TAFA2: variants seen among roughly 807,000 people sequenced by gnomAD.
TAFA2 encodes chemokine-like protein TAFA-2.
In TAFA2, 7 loss-of-function variants were observed where a neutral mutation model predicts 18.8. The ratio of observed to expected loss-of-function variants is 0.37; its 90% CI spans 0.21 to 0.70. TAFA2 has a LOEUF of 0.70. Among genes scored for constraint, TAFA2 ranks in the 30% least tolerant of loss-of-function variants. The pLI, the probability that TAFA2 is intolerant of heterozygous loss-of-function variation, is 0.53. For missense variants in TAFA2, 122 were observed against 158.1 expected, an observed-to-expected ratio of 0.77 and a Z score of 1.23; for synonymous variants, 60 against 54.2, an observed-to-expected ratio of 1.11 and a Z score of -0.47.
At chr12:61,949,481 C>G (rs1878391666) in intron 1 of TAFA2, among the ~76,000 whole-genome samples, 1 of 152,014 alleles carries the variant, frequency 6.6e-6, no homozygotes, top group African/African-American at 2.4e-5. Flanking sequence ...TAACAGACAG[C>G]CAGTCAATGG....
chr12:61,899,049 C>A (rs186098342), intron 1 of TAFA2, among the ~76,000 whole-genome samples: 157 of 152,304 alleles, frequency 1.0e-3, no homozygotes, highest in Middle Eastern at 0.01. Flanking sequence ...GCAAGAGTCA[C>A]CTTTACTCCA....
At chr12:61,890,080 T>G (rs1264643451) in intron 1 of TAFA2, among the ~76,000 whole-genome samples, 7 of 152,248 alleles carry the variant, frequency 4.6e-5, no homozygotes, top group Non-Finnish European at 2.9e-5. Flanking sequence ...TTTATCCTAT[T>G]TCTTACTGTA....
chr12:61,965,628 T>A (rs547629575), intron 1 of TAFA2, among the ~76,000 whole-genome samples: 15 of 151,972 alleles, frequency 9.9e-5, no homozygotes, highest in African/African-American at 3.6e-4. Context: ...AACACTAGAC[T>A]CTGGGAGGGG....
chr12:62,027,273 C>T (rs1472630969), intron 1 of TAFA2, among the ~76,000 whole-genome samples: 1 of 151,976 alleles, frequency 6.6e-6, no homozygotes, highest in African/African-American at 2.4e-5. Flanking sequence ...AGCATACAGC[C>T]CTTTAGCATA....
At chr12:62,050,617 C>T (rs1257991117) in intron 1 of TAFA2, among the ~76,000 whole-genome samples, 1 of 152,046 alleles carries the variant, frequency 6.6e-6, no homozygotes, top group East Asian at 1.9e-4. Flanking sequence ...TCCATATTCC[C>T]TTGTATAACA....
chr12:61,839,606 G>A (rs1873086092), intron 2 of TAFA2, among the ~76,000 whole-genome samples: 1 of 152,030 alleles, frequency 6.6e-6, no homozygotes, highest in Non-Finnish European at 1.5e-5. Context: ...AGGAACAGGA[G>A]TGCATCTAGA....
chr12:61,897,915 C>T (rs1299860820), intron 1 of TAFA2, among the ~76,000 whole-genome samples: 5 of 152,204 alleles, frequency 3.3e-5, no homozygotes, highest in African/African-American at 9.6e-5. Context: ...CTCGTAGAAG[C>T]CTGTAAAATC....
chr12:61,793,162 A>T (rs371586595), intron 2 of TAFA2, among the ~76,000 whole-genome samples: 1 of 151,628 alleles, frequency 6.6e-6, no homozygotes, highest in East Asian at 1.9e-4. Context: ...AAGAATAAAG[A>T]TCTCAAAACA....
intron 1 of TAFA2, among the ~76,000 whole-genome samples, chr12:62,033,816 C>T (rs1417935312): frequency 1.3e-5 from 2 of 152,092 alleles, no homozygotes; most frequent in East Asian, 3.9e-4. Flanking sequence ...CTATAAAAAT[C>T]TATTTGAACC....
rs188750184 is a variant in TAFA2, at chr12:62,180,131, G to A, written c.-2+11128C>T. ...GGTAAAATTCACCAATGTGCAGTAA[G>A]CTTGATTTCAATTCCATGTATTGAT... On this transcript the variant is annotated intron_variant, in intron 1 of 4. Coordinates refer to ENST00000416284, the MANE Select transcript of TAFA2 (RefSeq NM_178539.5). 5.9e-5 allele frequency among the ~76,000 whole-genome samples: 9 copies of A among 152,272 alleles called. No homozygotes were observed. The East Asian group carries it at 1.2e-3, about 20-fold the overall frequency.
At chr12:62,235,572 G>C (rs2062833234) in intron 1 of TAFA2, 2 of 332,170 alleles carry the variant, frequency 6.0e-6, no homozygotes, top group Non-Finnish European at 1.1e-5. Context: ...ACCCACCACG[G>C]CATCGCAGGT....
intron 1 of TAFA2, among the ~76,000 whole-genome samples, chr12:61,913,549 T>A (rs1368953107): frequency 6.6e-6 from 1 of 152,206 alleles, no homozygotes; most frequent in Non-Finnish European, 1.5e-5. Flanking sequence ...CTATGGGTCA[T>A]GTTCCTCTCT....
chr12:61,831,247 C>T (rs1488304654), intron 2 of TAFA2, among the ~76,000 whole-genome samples: 1 of 151,978 alleles, frequency 6.6e-6, no homozygotes, highest in South Asian at 2.1e-4. Context: ...TTCCTTGGTG[C>T]CTATGCCTTT....
rs200189207 is a variant in TAFA2, at chr12:61,733,592, G to C, written c.384+20030C>G. On this transcript the variant is annotated intron_variant, in intron 4 of 4. Coordinates refer to ENST00000416284, the MANE Select transcript of TAFA2 (RefSeq NM_178539.5). ...AAGATCAGATAGTTGTAGATATGCG[G>C]CGTTATTTCTGAGGGCTCTGTTCTG... Among the ~76,000 whole-genome samples, 61 of 147,622 alleles carry C rather than the reference G, an allele frequency of 4.1e-4. No homozygotes were observed. The East Asian group carries it at 9.8e-3, about 24-fold the overall frequency.
Position 61,968,415 on chromosome 12 carries a change from A to G in TAFA2, c.-1-100989T>C, listed in dbSNP as rs1367141092. Among the ~76,000 whole-genome samples the G allele has an allele frequency of 3.3e-5, 5 of 151,868 alleles. No homozygotes were observed. In the East Asian group the frequency reaches 9.8e-4, roughly 30 times the overall value. ...ATAAGCCCAGGCTTCAGGTCCCTAC[A>G]TTGTACTTAAGAATGTGCATTAAAT... On this transcript the variant is annotated intron_variant, in intron 1 of 4. Coordinates refer to ENST00000416284, the MANE Select transcript of TAFA2 (RefSeq NM_178539.5).
At chr12:62,202,079 G>T (rs1308255799) in intron 1 of TAFA2, among the ~76,000 whole-genome samples, 1 of 152,064 alleles carries the variant, frequency 6.6e-6, no homozygotes, top group Admixed American at 6.6e-5. Context: ...TGGGGTCAAT[G>T]ATGATATCCC....
rs374435271 is a variant in TAFA2 at position 62,106,609 on chromosome 12, T to C, written c.-2+84650A>G. ...CAAATTAAAAGAAAGCGTAGAAAAA[T>C]TGCTATAGATGACACTGTGGCCTGC... On this transcript the variant is annotated intron_variant, in intron 1 of 4. Coordinates refer to ENST00000416284, the MANE Select transcript of TAFA2 (RefSeq NM_178539.5). Among the ~76,000 whole-genome samples the C allele has an allele frequency of 9.2e-5, 14 of 152,224 alleles. No homozygotes were observed. The East Asian group carries it at 2.7e-3, about 29-fold the overall frequency.
intron 1 of TAFA2, among the ~76,000 whole-genome samples, chr12:62,028,367 C>T (rs529321045): frequency 3.0e-4 from 45 of 152,250 alleles, no homozygotes; most frequent in African/African-American, 1.0e-3. Flanking sequence ...CCCACTTCCT[C>T]CTCTCATCTT....
At chr12:61,823,627 C>G (rs1215356222) in intron 2 of TAFA2, among the ~76,000 whole-genome samples, 1 of 152,098 alleles carries the variant, frequency 6.6e-6, no homozygotes, top group Non-Finnish European at 1.5e-5. Context: ...TGGTGTAACT[C>G]CTTGTTAGGA....
Sources: gnomAD v4.1 joint callset for allele counts (sites outside exome capture counted in the v4.1 genomes callset) on GRCh38, gnomAD v4.1.1 for gene constraint, MANE v1.5 for transcripts, NCBI Gene and HGNC (gene_info 2026-07-23, HGNC 2026-07-21) for gene names.